The following HK2 variants were observed in gnomAD, a reference collection of about 807,000 sequenced individuals.
HK2 encodes hexokinase-2.
Under a neutral mutation model 92.9 loss-of-function variants are expected in HK2, and 42 were observed. That is an observed-to-expected ratio of 0.45 (90% CI 0.35 to 0.58). HK2 has a LOEUF of 0.58. HK2 is among the 20% of genes least tolerant of loss of function. The probability of loss-of-function intolerance (pLI) is 0.00; values close to 1 mark genes in which losing one functional copy is unlikely to be tolerated. For synonymous variants in HK2, 422 were observed against 468.0 expected, an observed-to-expected ratio of 0.90 and a Z score of 1.27; for missense variants, 978 against 1,245.1, an observed-to-expected ratio of 0.79 and a Z score of 3.23.
At chr2:74,876,046 C>T (rs757122030) in intron 7 of HK2, among the ~76,000 whole-genome samples, 1 of 152,222 alleles carries the variant, frequency 6.6e-6, no homozygotes, top group Admixed American at 6.5e-5. Flanking sequence ...CTTAGCAACA[C>T]GGAGTTCCTT....
intron 1 of HK2, among the ~76,000 whole-genome samples, chr2:74,852,688 T>C (rs1249928999): frequency 6.9e-6 from 1 of 145,604 alleles, no homozygotes; most frequent in Admixed American, 6.8e-5. Flanking sequence ...ATTAAAAGAT[T>C]AAAAAAAAAA....
In HK2 at chr2:74,886,660, C is replaced by G; in HGVS notation, c.2206C>G (p.Pro736Ala). The G allele has an allele frequency of 6.2e-7, 1 of 1,613,836 alleles. No individual in the cohort carries two copies. Among genetic ancestry groups the G allele is most frequent in the Non-Finnish European group, 8.5e-7 (1 of 1,179,972 alleles). Reference sequence around the variant, plus strand: ...GGCTGTGGATGAGCTTTCACTCAACCCCGGCAAGCAGAGGTAGGCACCCAA... The same window carrying G: ...GGCTGTGGATGAGCTTTCACTCAACGCCGGCAAGCAGAGGTAGGCACCCAA... ...DVAVDELSLN[P>A]GKQRFEKMIS... The change falls in exon 15 of 18, where the codon CCC (proline) becomes GCC (alanine). Residue 736 changes from proline to alanine, a missense_variant. Around this residue, in one of 3 missense-constraint regions of HK2, gnomAD observed 742 missense variants for 922.5 expected, o/e 0.80. Transcript: ENST00000290573.
chr2:74,878,124 C>A (rs144124875), intron 8 of HK2, among the ~76,000 whole-genome samples: 158 of 152,300 alleles, frequency 1.0e-3, no homozygotes, highest in African/African-American at 3.8e-3. Context: ...AAGGTTATAG[C>A]ACTAGCCCCT....
At chr2:74,857,735 G>A (rs937015846) in intron 2 of HK2, among the ~76,000 whole-genome samples, 3 of 152,186 alleles carry the variant, frequency 2.0e-5, no homozygotes, top group African/African-American at 7.2e-5. Context: ...GGGGGTATGA[G>A]TTATGGAATA....
At position 74,874,269 on chromosome 2, in the gene HK2, C is replaced by G. The variant is rs778574566; in HGVS notation, c.695C>G (p.Thr232Arg). Reference protein sequence around the residue: ...HNCEIGLIVGTGSNACYMEEM... With the variant: ...HNCEIGLIVGRGSNACYMEEM... ...TAGCCGTCCCTTGTTTTGGCAGGCACGGGCAGCAACGCCTGCTACATGGAA... is the reference window on the plus strand; with the variant it reads ...TAGCCGTCCCTTGTTTTGGCAGGCAGGGGCAGCAACGCCTGCTACATGGAA... The change falls in exon 7 of 18, where the codon ACG (threonine) becomes AGG (arginine). Residue 232 changes from threonine (T) to arginine (R), a missense_variant. Physicochemically the swap from Thr to Arg is moderately conservative, Grantham distance 71 (BLOSUM62 -1). Transcript: ENST00000290573. The G allele has an allele frequency of 6.2e-7, 1 of 1,614,064 alleles. No homozygotes were observed. Among genetic ancestry groups the G allele is most frequent in the East Asian group, 2.2e-5 (1 of 44,882 alleles).
intron 3 of HK2, among the ~76,000 whole-genome samples, chr2:74,869,902 G>A (rs560462013): frequency 6.6e-6 from 1 of 152,176 alleles, no homozygotes; most frequent in East Asian, 1.9e-4. Flanking sequence ...TATCTTCCCT[G>A]TGCAATATGA....
intron 1 of HK2, among the ~76,000 whole-genome samples, chr2:74,850,046 C>A (rs1448228036): frequency 1.3e-5 from 2 of 152,196 alleles, no homozygotes; most frequent in African/African-American, 4.8e-5. Flanking sequence ...AGGGTCACAC[C>A]TGGCCTAATA....
chr2:74,869,405 A>G (rs181371568), intron 3 of HK2, among the ~76,000 whole-genome samples: 1 of 152,304 alleles, frequency 6.6e-6, no homozygotes, highest in East Asian at 1.9e-4. Context: ...GGTACTTGGT[A>G]TCAGTATTTT....
chr2:74,870,429 G>A (rs1432701129), intron 3 of HK2, among the ~76,000 whole-genome samples: 3 of 147,324 alleles, frequency 2.0e-5, no homozygotes, highest in Non-Finnish European at 4.4e-5. Context: ...TGTTAGGAGC[G>A]CAACTGGAAA....
rs374046704 is a variant in HK2 at position 74,889,233 on chromosome 2, C to T, written c.2376-12C>T. 3.1e-6 allele frequency: 5 copies of T among 1,607,652 alleles called. No homozygotes were observed. The highest frequency in any genetic ancestry group is 1.7e-6 in the Non-Finnish European group (2 of 1,175,820). ...GCATGACTGAACACTTGCTGTCTCC[C>T]TCCCACCCCAGTGACTGCCTGGCCC... On this transcript the variant is annotated splice_polypyrimidine_tract_variant and intron_variant, in intron 16 of 17. Transcript: ENST00000290573.
At position 74,891,015 on chromosome 2, in the gene HK2, T is replaced by C. The variant is rs1669723189; in HGVS notation, c.*74T>C. Reference sequence around the variant, plus strand: ...TTTAAATTATAAGATGTCATCCCCTTGTGTCAGAGACAGACCCCTTGGCTT... The same window carrying C: ...TTTAAATTATAAGATGTCATCCCCTCGTGTCAGAGACAGACCCCTTGGCTT... On this transcript the variant is annotated 3_prime_UTR_variant, in exon 18 of 18. Transcript: ENST00000290573. The C allele has an allele frequency of 1.3e-6, 2 of 1,547,050 alleles. No homozygotes were observed. Among genetic ancestry groups the C allele is most frequent in the Non-Finnish European group, 8.8e-7 (1 of 1,141,592 alleles).
intron 1 of HK2, among the ~76,000 whole-genome samples, chr2:74,853,899 C>T (rs2103883309): frequency 6.6e-6 from 1 of 152,022 alleles, no homozygotes; most frequent in Non-Finnish European, 1.5e-5. Context: ...GGCTACCTGG[C>T]CTAGGGTGAG....
In HK2 at chr2:74,882,165, A is replaced by G. The variant is rs375206881; in HGVS notation, c.1765A>G (p.Met589Val). ...VQCIADFLEYMGMKGVSLPLG... is the reference protein window; with the variant it reads ...VQCIADFLEYVGMKGVSLPLG... Reference sequence around the variant, plus strand: ...GTGCATCGCGGACTTCCTCGAGTACATGGGCATGAAGGGCGTGTCCCTGCC... The same window carrying G: ...GTGCATCGCGGACTTCCTCGAGTACGTGGGCATGAAGGGCGTGTCCCTGCC... The change falls in exon 12 of 18, where the codon ATG becomes GTG. Residue 589 changes from methionine to valine, a missense_variant. Transcript: ENST00000290573. 5 of 1,614,134 alleles carry G rather than the reference A, an allele frequency of 3.1e-6. No homozygotes were observed. The highest frequency in any genetic ancestry group is 1.7e-5 in the Admixed American group (1 of 60,018).
intron 12 of HK2, among the ~76,000 whole-genome samples, chr2:74,882,623 C>CTATATATATAT (rs1689431711): frequency 4.0e-5 from 2 of 49,836 alleles, no homozygotes; most frequent in African/African-American, 1.6e-4. Flanking sequence ...ATATATATAG[C>CTATATATATAT]ATTTTTAAGC....
intron 1 of HK2, among the ~76,000 whole-genome samples, chr2:74,845,029 G>T (rs1688405056): frequency 6.6e-6 from 1 of 152,150 alleles, no homozygotes; most frequent in Non-Finnish European, 1.5e-5. Context: ...GTGGGAGTTT[G>T]TTAGACAAGG....
Position 74,854,410 on chromosome 2 carries a change from G to A in HK2, c.181G>A (p.Val61Met). Residue 61 changes from valine (V) to methionine (M), a missense_variant, in exon 2 of 18, where the codon GTG becomes ATG. Physicochemically the swap from Val to Met is conservative, Grantham distance 21. Coordinates refer to ENST00000290573, the MANE Select transcript of HK2 (RefSeq NM_000189.5). ...AGCCACCACTCACCCTACTGCAGCA[G>A]TGAAGATGCTGCCCACCTTTGTGAG... is the stretch of plus-strand genomic sequence containing the variant. ...LGATTHPTAA[V>M]KMLPTFVRST... The A allele has an allele frequency of 6.2e-7, 1 of 1,614,202 alleles. No individual in the cohort carries two copies. The highest frequency in any genetic ancestry group is 1.1e-5 in the South Asian group (1 of 91,090).
At chr2:74,860,359 GA>G in intron 2 of HK2, among the ~76,000 whole-genome samples, 1 of 152,070 alleles carries the variant, frequency 6.6e-6, no homozygotes, top group Non-Finnish European at 1.5e-5. Flanking sequence ...CCTCCATCAA[GA>G]TACAGAACAT....
chr2:74,860,388 G>C (rs1204245780), intron 2 of HK2, among the ~76,000 whole-genome samples: 1 of 152,110 alleles, frequency 6.6e-6, no homozygotes, highest in Non-Finnish European at 1.5e-5. Context: ...ACCCCAGAAA[G>C]TTACCTTGAG....
rs908949373 is a variant in HK2 at position 74,892,757 on chromosome 2, G to A, written c.*1816G>A. On this transcript the variant is annotated 3_prime_UTR_variant, in exon 18 of 18. Coordinates refer to ENST00000290573, the MANE Select transcript of HK2 (RefSeq NM_000189.5). ...ATTATACGACTTTTAAGCAAAGTTG[G>A]GTGTAATTAGGTGAAAACAGCCCAG... 6.6e-6 allele frequency: 1 copy of A among 152,124 alleles called. No homozygotes were observed. Among genetic ancestry groups the A allele is most frequent in the Admixed American group, 6.5e-5 (1 of 15,270 alleles). 9.4% of individuals were successfully genotyped at this position (152,124 alleles called of 1,614,324 possible). A position where few individuals can be genotyped will look rare whatever the true frequency, so the allele number is the denominator to read the frequency against.
Sources: gnomAD v4.1 joint callset for allele counts (sites outside exome capture counted in the v4.1 genomes callset) on GRCh38, gnomAD v4.1.1 for gene constraint, gnomAD v4.1.1 regional missense constraint, MANE v1.5 for transcripts, NCBI Gene and HGNC (gene_info 2026-07-23, HGNC 2026-07-21) for gene names.